The following ACTN1 variants were observed in gnomAD, a reference collection of about 807,000 sequenced individuals.
The protein encoded by ACTN1 is alpha-actinin-1.
ACTN1 carries 30 observed loss-of-function variants against 119.6 expected under a neutral mutation model. The observed-to-expected ratio is 0.25, with a 90% CI of 0.19 to 0.34. ACTN1 has a LOEUF of 0.34. Among genes scored for constraint, ACTN1 ranks in the 10% least tolerant of loss-of-function variants. The pLI, the probability that ACTN1 is intolerant of heterozygous loss-of-function variation, is 1.00. For synonymous variants in ACTN1, 429 were observed against 472.6 expected, an observed-to-expected ratio of 0.91 and a Z score of 1.20; for missense variants, 764 against 1,223.4, an observed-to-expected ratio of 0.62 and a Z score of 5.60.
chr14:68,881,306 T>C (rs2031485690), intron 16 of ACTN1, among the ~76,000 whole-genome samples: 1 of 152,234 alleles, frequency 6.6e-6, no homozygotes, highest in South Asian at 2.1e-4. Flanking sequence ...CTGCTTGCCA[T>C]TCAAATGCCC....
chr14:68,936,755 G>T (rs1743508819), intron 1 of ACTN1: 1 of 619,268 alleles, frequency 1.6e-6, no homozygotes, highest in African/African-American at 1.8e-5. Context: ...TGGTGCTGAA[G>T]AAAACTGAAG....
At chr14:68,956,847 G>A (rs1209141139) in intron 1 of ACTN1, among the ~76,000 whole-genome samples, 3 of 152,026 alleles carry the variant, frequency 2.0e-5, no homozygotes, top group Non-Finnish European at 4.4e-5. Context: ...CCAGCCTTTA[G>A]AGTTCATTGT....
At position 68,972,559 on chromosome 14, in the gene ACTN1, G is replaced by A. The variant is rs541803808; in HGVS notation, c.105+6393C>T. 3.3e-5 allele frequency among the ~76,000 whole-genome samples: 5 copies of A among 152,296 alleles called. No homozygotes were observed. The East Asian group carries it at 7.7e-4, about 23-fold the overall frequency. ...AAAATGTACAATCTAGTGGTTTCAC[G>A]TATATTTGTGAGGTTGTGAAACCAC... On this transcript the variant is annotated intron_variant, in intron 1 of 21. Transcript: ENST00000394419.
intron 6 of ACTN1, among the ~76,000 whole-genome samples, chr14:68,906,675 A>G (rs1438925838): frequency 6.6e-6 from 1 of 152,120 alleles, no homozygotes; most frequent in Non-Finnish European, 1.5e-5. Flanking sequence ...AGGAAGGAAG[A>G]GCTTCCCAGT....
chr14:68,929,457 T>G (rs1482054959), intron 1 of ACTN1, among the ~76,000 whole-genome samples: 1 of 82,194 alleles, frequency 1.2e-5, no homozygotes, highest in Non-Finnish European at 2.3e-5. Context: ...CAGGGCCATG[T>G]TACTGCTCAG....
intron 1 of ACTN1, among the ~76,000 whole-genome samples, chr14:68,957,259 G>A (rs1405153261): frequency 6.6e-6 from 1 of 152,132 alleles, no homozygotes; most frequent in East Asian, 1.9e-4. Context: ...TGGTAAGAGG[G>A]GTTTGGATAA....
intron 11 of ACTN1, chr14:68,886,312 C>A (rs2032000910): frequency 1.3e-5 from 2 of 152,130 alleles, no homozygotes; most frequent in Non-Finnish European, 1.5e-5. Flanking sequence ...GGCTGGGAGC[C>A]AAGGTTGTGT....
At chr14:68,912,049 A>G in intron 4 of ACTN1, 107 bp downstream of exon 4, 1 of 937,278 alleles carries the variant, frequency 1.1e-6, no homozygotes, top group Non-Finnish European at 1.7e-6. Flanking sequence ...AGCCCAGGAC[A>G]TGGCCCCTGA....
intron 1 of ACTN1, among the ~76,000 whole-genome samples, chr14:68,948,938 C>T (rs1379810183): frequency 6.6e-5 from 10 of 152,196 alleles, no homozygotes; most frequent in African/African-American, 1.7e-4. Flanking sequence ...TAATGAAGCT[C>T]GAACCAGTGA....
intron 8 of ACTN1, among the ~76,000 whole-genome samples, chr14:68,898,147 T>A (rs2033011863): frequency 6.6e-6 from 1 of 152,230 alleles, no homozygotes; most frequent in Non-Finnish European, 1.5e-5. Context: ...TTTTCCCAGA[T>A]GGCTCATGAA....
intron 1 of ACTN1, among the ~76,000 whole-genome samples, chr14:68,969,103 C>T (rs967447678): frequency 2.0e-5 from 3 of 152,132 alleles, no homozygotes; most frequent in African/African-American, 4.8e-5. Flanking sequence ...ATAACTGAGA[C>T]CCCAATGTGG....
intron 1 of ACTN1, among the ~76,000 whole-genome samples, chr14:68,928,333 C>T (rs903618308): frequency 3.3e-4 from 50 of 152,028 alleles, no homozygotes; most frequent in Non-Finnish European, 4.4e-5. Flanking sequence ...CTGGACAAAG[C>T]CCTGGAACAT....
rs564105932 is a variant in ACTN1, at chr14:68,880,427, G to A, written c.2134-319C>T. On this transcript the variant is annotated intron_variant, in intron 17 of 21. Transcript: ENST00000394419. This position sits in a 1 kb window ranked among gnomAD's most constrained non-coding sequence, Gnocchi z 4.6. Reference sequence around the variant, plus strand: ...GAGACAAAAAAATGTGTGATTCCCCGAACCTCCAACCCCACAGCCACGCGC... The same window carrying A: ...GAGACAAAAAAATGTGTGATTCCCCAAACCTCCAACCCCACAGCCACGCGC... Among the ~76,000 whole-genome samples the A allele has an allele frequency of 2.0e-5, 3 of 150,476 alleles. No individual in the cohort carries two copies. The highest frequency in any genetic ancestry group is 1.9e-4 in the East Asian group (1 of 5,142).
intron 1 of ACTN1, among the ~76,000 whole-genome samples, chr14:68,964,417 G>C (rs995986492): frequency 1.3e-5 from 2 of 152,232 alleles, no homozygotes; most frequent in Admixed American, 6.5e-5. Context: ...GAATGTACGG[G>C]TCAGGAGAGA....
intron 1 of ACTN1, among the ~76,000 whole-genome samples, chr14:68,962,385 C>A (rs949286179): frequency 6.6e-6 from 1 of 152,156 alleles, no homozygotes; most frequent in Non-Finnish European, 1.5e-5. Context: ...TGATGGTTCC[C>A]ATGGCAACGG....
At position 68,962,369 on chromosome 14, in the gene ACTN1, C is replaced by T. The variant is rs375910018; in HGVS notation, c.105+16583G>A. Among the ~76,000 whole-genome samples, 64 of 152,268 alleles carry T rather than the reference C, an allele frequency of 4.2e-4. 2 individuals are homozygous for T. The South Asian group carries it at 9.1e-3, about 22-fold the overall frequency. On this transcript the variant is annotated intron_variant, in intron 1 of 21. Transcript: ENST00000394419. ...GGGCATCCTTGGAACTGGAAACCCA[C>T]GGCAGTGATGGTTCCCATGGCAACG...
Position 68,884,900 on chromosome 14 carries a change from C to T in ACTN1, c.1386-17G>A, listed in dbSNP as rs757073747. 1.3e-6 allele frequency: 2 copies of T among 1,595,360 alleles called. No individual in the cohort carries two copies. Among genetic ancestry groups the T allele is most frequent in the South Asian group, 1.1e-5 (1 of 90,688 alleles). On this transcript the variant is annotated splice_polypyrimidine_tract_variant and intron_variant, in intron 12 of 21. Coordinates refer to ENST00000394419, the MANE Select transcript of ACTN1 (RefSeq NM_001130004.2). Reference sequence around the variant, plus strand: ...TCCAGCTCACTGGGGAGGGAAGAGACAAGGAAGTCAGGGGACCCAGGTTAA... The same window carrying T: ...TCCAGCTCACTGGGGAGGGAAGAGATAAGGAAGTCAGGGGACCCAGGTTAA...
At position 68,921,627 on chromosome 14, in the gene ACTN1, G is replaced by A. The variant is rs78142604; in HGVS notation, c.221-502C>T. The stretch of plus-strand genomic sequence containing the variant: ...GAAAGGTCTGAGTCTTTGCAGCCAG[G>A]CAAACAAAGCAAGGAATGATGATCA... On this transcript the variant is annotated intron_variant, in intron 2 of 21. Transcript: ENST00000394419. Among the ~76,000 whole-genome samples, 25 of 152,290 alleles carry A rather than the reference G, an allele frequency of 1.6e-4. 1 individual carries two copies. In the East Asian group the frequency reaches 4.8e-3, roughly 29 times the overall value.
chr14:68,892,600 C>G (rs1314553391), intron 9 of ACTN1, among the ~76,000 whole-genome samples: 1 of 152,184 alleles, frequency 6.6e-6, no homozygotes, highest in African/African-American at 2.4e-5. Flanking sequence ...AGGAAGGAAG[C>G]CTGGGTTTTA....
Sources: gnomAD v4.1 joint callset for allele counts (sites outside exome capture counted in the v4.1 genomes callset) on GRCh38, gnomAD v4.1.1 for gene constraint, Gnocchi (gnomAD v3.1) non-coding constraint, MANE v1.5 for transcripts, NCBI Gene and HGNC (gene_info 2026-07-23, HGNC 2026-07-21) for gene names.